ANO3: variants seen among roughly 807,000 people sequenced by gnomAD.
ANO3 encodes the protein anoctamin-3.
In ANO3, 99 loss-of-function variants were observed where a neutral mutation model predicts 144.8. That is an observed-to-expected ratio of 0.68 (90% CI 0.58 to 0.81). The LOEUF (loss-of-function observed/expected upper bound fraction) is 0.81. ANO3 is among the 30% of genes least tolerant of loss of function. The pLI, the probability that ANO3 is intolerant of heterozygous loss-of-function variation, is 0.00. For synonymous variants in ANO3, 414 were observed against 392.6 expected, an observed-to-expected ratio of 1.05 and a Z score of -0.64; for missense variants, 905 against 1,202.2, an observed-to-expected ratio of 0.75 and a Z score of 3.66.
intron 17 of ANO3, among the ~76,000 whole-genome samples, chr11:26,617,286 C>G (rs902715264): frequency 6.6e-6 from 1 of 152,154 alleles, no homozygotes; most frequent in African/African-American, 2.4e-5. Context: ...TTCTCTTTCT[C>G]TTATAAGGTT....
chr11:26,619,642 T>G (rs1167170591), intron 17 of ANO3, among the ~76,000 whole-genome samples: 2 of 152,088 alleles, frequency 1.3e-5, no homozygotes, highest in African/African-American at 4.8e-5. Flanking sequence ...AATTTTTGTA[T>G]TTTTAGTAGA....
intron 3 of ANO3, among the ~76,000 whole-genome samples, chr11:26,458,632 A>G (rs911282647): frequency 1.3e-5 from 2 of 152,174 alleles, no homozygotes; most frequent in African/African-American, 4.8e-5. Flanking sequence ...GCCAGTCTGC[A>G]AAGCAATTTA....
At chr11:26,353,757 A>G (rs1855707552) in intron 1 of ANO3, among the ~76,000 whole-genome samples, 1 of 151,916 alleles carries the variant, frequency 6.6e-6, no homozygotes, top group Admixed American at 6.6e-5. Context: ...TTTAGTAGAG[A>G]CAGCGTTTCA....
intron 17 of ANO3, among the ~76,000 whole-genome samples, chr11:26,602,266 A>G (rs1010746742): frequency 1.3e-5 from 2 of 152,146 alleles, no homozygotes; most frequent in African/African-American, 2.4e-5. Flanking sequence ...CTAGAAAACT[A>G]AATCAGTGCC....
intron 1 of ANO3, among the ~76,000 whole-genome samples, chr11:26,394,292 T>TA (rs1393594212): frequency 1.3e-5 from 2 of 152,142 alleles, no homozygotes; most frequent in East Asian, 1.9e-4. Context: ...GAAAACAATT[T>TA]AAAAAATCAG....
chr11:26,542,962 A>T (rs942635318), intron 11 of ANO3, among the ~76,000 whole-genome samples: 17 of 152,214 alleles, frequency 1.1e-4, no homozygotes, highest in African/African-American at 4.1e-4. Flanking sequence ...TGTAAAACGG[A>T]TGGACACTGA....
At chr11:26,419,775 G>A (rs1857698746) in intron 1 of ANO3, among the ~76,000 whole-genome samples, 1 of 151,976 alleles carries the variant, frequency 6.6e-6, no homozygotes, top group Non-Finnish European at 1.5e-5. Flanking sequence ...TTTGGGGTAG[G>A]GTATGTGACT....
At chr11:26,586,640 C>T (rs1225824048) in intron 14 of ANO3, among the ~76,000 whole-genome samples, 1 of 151,312 alleles carries the variant, frequency 6.6e-6, no homozygotes. Context: ...GTAGCTGGGA[C>T]TACAGGCGCC....
chr11:26,441,742 A>C (rs191861575), intron 1 of ANO3, among the ~76,000 whole-genome samples, 176 bp from the exon 2 acceptor site: 1 of 152,196 alleles, frequency 6.6e-6, no homozygotes, highest in Non-Finnish European at 1.5e-5. Context: ...ATTTAACAAA[A>C]ATCTCAAACA....
At chr11:26,191,305 TAC>T (rs202039304) in intron 1 of ANO3, among the ~76,000 whole-genome samples, 2 of 149,116 alleles carry the variant, frequency 1.3e-5, no homozygotes, top group African/African-American at 2.5e-5. Context: ...CATATATATA[TAC>T]ACACACACAC....
chr11:26,386,818 C>T (rs770342012), intron 1 of ANO3, among the ~76,000 whole-genome samples: 7 of 152,094 alleles, frequency 4.6e-5, no homozygotes, highest in Non-Finnish European at 7.4e-5. Context: ...CCAAAATTTT[C>T]TTAAAAAAGA....
chr11:26,634,393 C>A, intron 19 of ANO3, 78 bp downstream of exon 19: 1 of 926,986 alleles, frequency 1.1e-6, no homozygotes, highest in Non-Finnish European at 1.7e-6. Flanking sequence ...ACTGTTCTTA[C>A]TCAAATGATT....
At chr11:26,471,828 A>G (rs942335351) in intron 4 of ANO3, among the ~76,000 whole-genome samples, 2 of 151,982 alleles carry the variant, frequency 1.3e-5, no homozygotes, top group Admixed American at 6.6e-5. Flanking sequence ...GAAACAAAAA[A>G]TAAGTCAAAG....
intron 14 of ANO3, among the ~76,000 whole-genome samples, chr11:26,595,832 T>G (rs1565131033): frequency 6.6e-6 from 1 of 152,226 alleles, no homozygotes; most frequent in Non-Finnish European, 1.5e-5. Flanking sequence ...TTTTTTGCTT[T>G]TTTTGATTTA....
intron 14 of ANO3, chr11:26,560,353 A>C (rs910600887): frequency 6.6e-6 from 1 of 152,154 alleles, no homozygotes; most frequent in African/African-American, 2.4e-5. Flanking sequence ...TTGAAGCCTA[A>C]GATATATTAA....
Position 26,318,443 on chromosome 11 carries a change from T to G in ANO3, c.-3+8724T>G, listed in dbSNP as rs138325591. Among the ~76,000 whole-genome samples the G allele has an allele frequency of 8.2e-3, 1,249 of 152,298 alleles. 15 individuals carry two copies. The highest frequency in any genetic ancestry group is 0.028 in the African/African-American group (1,148 of 41,562). On this transcript the variant is annotated intron_variant, in intron 1 of 26. Coordinates refer to the ANO3 transcript ENST00000525139. ...TGTTTGGAAACCAGACTAAGCATTATGCTGTATAGAACAATCACCATCCAA... is the reference window on the plus strand; with the variant it reads ...TGTTTGGAAACCAGACTAAGCATTAGGCTGTATAGAACAATCACCATCCAA...
intron 4 of ANO3, among the ~76,000 whole-genome samples, chr11:26,502,735 C>A (rs745369037): frequency 4.6e-5 from 7 of 151,266 alleles, no homozygotes; most frequent in Non-Finnish European, 1.0e-4. Flanking sequence ...CCTATAACTG[C>A]AAGTATATGA....
intron 1 of ANO3, among the ~76,000 whole-genome samples, chr11:26,392,989 C>T (rs1856920859): frequency 6.6e-6 from 1 of 152,006 alleles, no homozygotes; most frequent in Non-Finnish European, 1.5e-5. Context: ...TAACTAAATC[C>T]AGTATCCATA....
intron 11 of ANO3, among the ~76,000 whole-genome samples, chr11:26,544,074 C>T (rs1849714526): frequency 6.6e-6 from 1 of 150,840 alleles, no homozygotes; most frequent in African/African-American, 2.4e-5. Context: ...TGCTGGTTCA[C>T]CAAGCTATAT....
Sources: allele counts gnomAD v4.1 joint callset (sites outside exome capture counted in the v4.1 genomes callset), GRCh38; gene constraint gnomAD v4.1.1; transcripts MANE v1.5; gene names NCBI Gene and HGNC (gene_info 2026-07-23, HGNC 2026-07-21).